Variants in TRIM24 observed in about 807,000 individuals in gnomAD.
TRIM24 encodes the protein tripartite motif containing 24, also known as transcription intermediary factor 1-alpha.
TRIM24 carries 29 observed loss-of-function variants against 123.9 expected under a neutral mutation model. The observed-to-expected ratio is 0.23, with a 90% CI of 0.17 to 0.32. The LOEUF is 0.32. Among genes scored for constraint, TRIM24 ranks in the 10% least tolerant of loss-of-function variants. TRIM24 has a pLI of 1.00. For synonymous variants in TRIM24, 456 were observed against 461.1 expected (o/e 0.99, Z 0.14); for missense variants, 932 against 1,295.3 (o/e 0.72, Z 4.31).
intron 6 of TRIM24, among the ~76,000 whole-genome samples, chr7:138,531,891 C>G (rs1266813833): frequency 6.6e-6 from 1 of 152,076 alleles, no homozygotes; most frequent in African/African-American, 2.4e-5. Flanking sequence ...TGTTTCCTGA[C>G]TTTTTAATGA....
chr7:138,520,136 G>T (rs961868296), intron 4 of TRIM24, among the ~76,000 whole-genome samples: 6 of 152,232 alleles, frequency 3.9e-5, no homozygotes, highest in Non-Finnish European at 7.3e-5. Flanking sequence ...TCCCCTTGAG[G>T]TATTTGCCCA....
At chr7:138,476,947 A>T (rs763117011) in intron 1 of TRIM24, among the ~76,000 whole-genome samples, 1 of 152,196 alleles carries the variant, frequency 6.6e-6, no homozygotes, top group African/African-American at 2.4e-5. Context: ...GTGCCGATGT[A>T]AAAAAGGAAT....
intron 7 of TRIM24, chr7:138,545,562 T>C (rs1797086091): frequency 2.2e-6 from 1 of 455,994 alleles, no homozygotes; most frequent in Non-Finnish European, 4.4e-6. Flanking sequence ...AGAGTTTTAT[T>C]TTTATTCTTG....
chr7:138,496,652 T>G (rs1795913187), intron 1 of TRIM24, among the ~76,000 whole-genome samples: 1 of 152,112 alleles, frequency 6.6e-6, no homozygotes, highest in Admixed American at 6.6e-5. Flanking sequence ...TTCAGATTTT[T>G]TTTTCCTTTT....
At chr7:138,572,205 C>T (rs1797671533) in intron 11 of TRIM24, among the ~76,000 whole-genome samples, 1 of 152,084 alleles carries the variant, frequency 6.6e-6, no homozygotes, top group Admixed American at 6.6e-5. Flanking sequence ...GAGTAGAATA[C>T]ATATATTTTC....
At chr7:138,513,813 G>A (rs1378418591) in intron 2 of TRIM24, among the ~76,000 whole-genome samples, 2 of 152,154 alleles carry the variant, frequency 1.3e-5, no homozygotes, top group Non-Finnish European at 2.9e-5. Context: ...TTCATTTTAT[G>A]TACTAACAAT....
At chr7:138,497,373 G>T (rs538719519) in intron 1 of TRIM24, among the ~76,000 whole-genome samples, 2 of 150,190 alleles carry the variant, frequency 1.3e-5, no homozygotes, top group African/African-American at 4.9e-5. Flanking sequence ...TGGCCGATGG[G>T]AAGGTTTCAA....
intron 1 of TRIM24, among the ~76,000 whole-genome samples, chr7:138,464,510 A>G (rs1231580376): frequency 6.6e-6 from 1 of 152,024 alleles, no homozygotes; most frequent in African/African-American, 2.4e-5. Flanking sequence ...CTTCTTAGCT[A>G]TAGCAATTTG....
At chr7:138,564,869 T>G (rs543421032) in intron 9 of TRIM24, among the ~76,000 whole-genome samples, 1 of 152,258 alleles carries the variant, frequency 6.6e-6, no homozygotes, top group East Asian at 1.9e-4. Flanking sequence ...ATGGGGTGGG[T>G]TTTGACGACT....
chr7:138,540,012 G>C (rs1796971820), intron 7 of TRIM24, among the ~76,000 whole-genome samples: 1 of 152,120 alleles, frequency 6.6e-6, no homozygotes, highest in South Asian at 2.1e-4. Context: ...ATGTTAGCCA[G>C]GATGGTCCCG....
intron 6 of TRIM24, among the ~76,000 whole-genome samples, chr7:138,538,372 C>A (rs1584727303): frequency 6.6e-6 from 1 of 152,178 alleles, no homozygotes; most frequent in East Asian, 1.9e-4. Context: ...TGTACTATAG[C>A]TAATCTTTCC....
chr7:138,539,060 T>C (rs894063947), intron 7 of TRIM24, among the ~76,000 whole-genome samples: 1 of 152,212 alleles, frequency 6.6e-6, no homozygotes, highest in East Asian at 1.9e-4. Context: ...ATATCAAAAA[T>C]AAGGATGATA....
chr7:138,584,680 T>C, intron 18 of TRIM24, 62 bp from the exon 19 acceptor site: 1 of 1,294,308 alleles, frequency 7.7e-7, no homozygotes, highest in Non-Finnish European at 1.1e-6. Flanking sequence ...CTCATTAATA[T>C]ATATAATCTC....
intron 5 of TRIM24, among the ~76,000 whole-genome samples, chr7:138,526,633 A>AACT (rs1383214467): frequency 6.6e-6 from 1 of 152,046 alleles, no homozygotes; most frequent in African/African-American, 2.4e-5. Flanking sequence ...CCTGGTCTTG[A>AACT]ACTAGTGACC....
At chr7:138,508,989 C>T (rs1796227578) in intron 2 of TRIM24, among the ~76,000 whole-genome samples, 1 of 151,972 alleles carries the variant, frequency 6.6e-6, no homozygotes, top group African/African-American at 2.4e-5. Flanking sequence ...CACTCTGTTG[C>T]CCAGGCTGGA....
At chr7:138,580,475 T>C (rs558588634) in intron 15 of TRIM24, 87 bp from the exon 16 acceptor site, 4 of 1,490,896 alleles carry the variant, frequency 2.7e-6, no homozygotes, top group African/African-American at 1.4e-5. Flanking sequence ...TTCTGTATCA[T>C]AGATGTCATG....
chr7:138,507,273 C>T (rs964274907), intron 2 of TRIM24, among the ~76,000 whole-genome samples: 5 of 152,010 alleles, frequency 3.3e-5, no homozygotes, highest in African/African-American at 9.6e-5. Flanking sequence ...GCCATCAACT[C>T]TTGTTTTGTG....
chr7:138,514,762 CACA>C (rs1478748716), intron 2 of TRIM24: 2 of 152,784 alleles, frequency 1.3e-5, no homozygotes, highest in Non-Finnish European at 2.9e-5. Flanking sequence ...ATTTAATCTT[CACA>C]ACTACTCAGT....
At chr7:138,580,080 C>A (rs1301383920) in intron 15 of TRIM24, among the ~76,000 whole-genome samples, 2 of 152,154 alleles carry the variant, frequency 1.3e-5, no homozygotes, top group Admixed American at 6.5e-5. Flanking sequence ...CAAGTAAATT[C>A]TCATACCCTA....
Sources: allele counts gnomAD v4.1 joint callset (sites outside exome capture counted in the v4.1 genomes callset), GRCh38; gene constraint gnomAD v4.1.1; transcripts MANE v1.5; gene names NCBI Gene and HGNC (gene_info 2026-07-23, HGNC 2026-07-21).